USP30: variants seen among roughly 807,000 people sequenced by gnomAD.
USP30 encodes the protein ubiquitin specific peptidase 30.
In USP30, 41 loss-of-function variants were observed where a neutral mutation model predicts 68.2. The observed-to-expected ratio is 0.60, with a 90% CI of 0.47 to 0.78. USP30 has a LOEUF of 0.78. Among genes scored for constraint, USP30 ranks in the 30% least tolerant of loss-of-function variants. USP30 has a pLI of 0.00. For synonymous variants in USP30, 229 were observed against 253.7 expected, an observed-to-expected ratio of 0.90 and a Z score of 0.93; for missense variants, 522 against 649.4, an observed-to-expected ratio of 0.80 and a Z score of 2.13.
intron 3 of USP30, among the ~76,000 whole-genome samples, chr12:109,028,312 G>A (rs1349056231): frequency 6.6e-6 from 1 of 152,164 alleles, no homozygotes; most frequent in Non-Finnish European, 1.5e-5. Flanking sequence ...ATAAAGAAAA[G>A]AGATTTAATT....
chr12:109,068,442 A>C (rs546283190), intron 4 of USP30, among the ~76,000 whole-genome samples: 52 of 152,234 alleles, frequency 3.4e-4, no homozygotes, highest in Admixed American at 1.2e-3. Context: ...CCTTATTTTT[A>C]AAGGTGTTCT....
At chr12:109,064,179 G>GT (rs1463149230) in intron 3 of USP30, among the ~76,000 whole-genome samples, 2 of 151,900 alleles carry the variant, frequency 1.3e-5, no homozygotes, top group Non-Finnish European at 2.9e-5. Flanking sequence ...GCATTGTTTG[G>GT]TTTTTTGTTG....
At chr12:109,029,771 A>C (rs538706190) in intron 3 of USP30, among the ~76,000 whole-genome samples, 9 of 152,336 alleles carry the variant, frequency 5.9e-5, no homozygotes, top group African/African-American at 2.2e-4. Flanking sequence ...CTACTCTGTC[A>C]GACAGGGCAT....
intron 3 of USP30, among the ~76,000 whole-genome samples, chr12:109,041,039 G>T (rs2040560911): frequency 6.6e-6 from 1 of 152,166 alleles, no homozygotes; most frequent in African/African-American, 2.4e-5. Context: ...TTCCAGTTCT[G>T]CCCTCATTTA....
At chr12:109,067,019 T>C (rs1329770446) in intron 3 of USP30, among the ~76,000 whole-genome samples, 1 of 151,472 alleles carries the variant, frequency 6.6e-6, no homozygotes, top group Non-Finnish European at 1.5e-5. Context: ...TCAGTAAACA[T>C]AAATGCCTAA....
chr12:109,078,148 A>T (rs567695972), intron 7 of USP30, among the ~76,000 whole-genome samples: 1 of 152,172 alleles, frequency 6.6e-6, no homozygotes, highest in East Asian at 1.9e-4. Context: ...TGCACCAGCC[A>T]GGTGCTGTGG....
chr12:109,057,383 GT>G (rs2040910481), intron 2 of USP30, among the ~76,000 whole-genome samples: 1 of 151,966 alleles, frequency 6.6e-6, no homozygotes, highest in African/African-American at 2.4e-5. Context: ...ATAATAAAAA[GT>G]TTTTTTAAAA....
chr12:109,062,278 A>T, intron 3 of USP30, among the ~76,000 whole-genome samples: 1 of 150,694 alleles, frequency 6.6e-6, no homozygotes, highest in Admixed American at 6.6e-5. Flanking sequence ...GGCCAAATAT[A>T]ATACATTAGA....
At chr12:109,081,098 G>T (rs1026508496) in intron 7 of USP30, among the ~76,000 whole-genome samples, 2 of 152,164 alleles carry the variant, frequency 1.3e-5, no homozygotes, top group African/African-American at 4.8e-5. Context: ...TTATTGCTGG[G>T]TCAGATATTT....
chr12:109,079,025 C>T (rs2041700451), intron 7 of USP30, among the ~76,000 whole-genome samples: 1 of 152,066 alleles, frequency 6.6e-6, no homozygotes, highest in South Asian at 2.1e-4. Context: ...AAAATTTTCT[C>T]TTTATTTTTG....
chr12:109,045,807 A>C (rs1436753380), intron 3 of USP30, among the ~76,000 whole-genome samples: 1 of 152,212 alleles, frequency 6.6e-6, no homozygotes, highest in East Asian at 1.9e-4. Flanking sequence ...AAACAGAATC[A>C]ATAGAACGCG....
intron 8 of USP30, chr12:109,081,623 G>GCGCGCGCA (rs886662557): frequency 2.2e-5 from 11 of 500,532 alleles, no homozygotes; most frequent in South Asian, 2.1e-4. Flanking sequence ...ACGCATGCGC[G>GCGCGCGCA]CACACACACA....
intron 7 of USP30, among the ~76,000 whole-genome samples, chr12:109,078,686 G>A (rs1302048271): frequency 1.3e-5 from 2 of 150,494 alleles, no homozygotes; most frequent in Non-Finnish European, 3.0e-5. Context: ...AGTCTTTCTT[G>A]TAGATCAAAA....
intron 3 of USP30, among the ~76,000 whole-genome samples, chr12:109,059,510 A>G (rs901881189): frequency 4.7e-5 from 7 of 150,362 alleles, no homozygotes; most frequent in African/African-American, 1.7e-4. Context: ...CTTCATTTTT[A>G]TTTTTATTTT....
chr12:109,061,464 A>C (rs75680871), intron 3 of USP30, among the ~76,000 whole-genome samples: 1 of 150,014 alleles, frequency 6.7e-6, no homozygotes, highest in South Asian at 2.1e-4. Flanking sequence ...GCTGGAGTGC[A>C]GTGGCACAAC....
At chr12:109,050,999 AG>A (rs554581368), upstream of USP30, among the ~76,000 whole-genome samples, 308 of 152,248 alleles carry the variant, frequency 2.0e-3, 2 homozygotes, top group African/African-American at 7.1e-3. Context: ...CAAAAAAAAA[AG>A]AATGTAAATT....
chr12:109,061,533 C>G (rs2041066705), intron 3 of USP30, among the ~76,000 whole-genome samples: 3 of 151,940 alleles, frequency 2.0e-5, no homozygotes, highest in Non-Finnish European at 4.4e-5. Flanking sequence ...TTCCATTTCC[C>G]AGGTAGCTGG....
intron 3 of USP30, among the ~76,000 whole-genome samples, chr12:109,029,200 T>C (rs1204773049): frequency 6.6e-6 from 1 of 152,216 alleles, no homozygotes; most frequent in Non-Finnish European, 1.5e-5. Flanking sequence ...TGTCTAGCTC[T>C]GGACCTGCGG....
intron 1 of USP30, among the ~76,000 whole-genome samples, chr12:109,056,470 G>A (rs1684722871): frequency 1.3e-5 from 2 of 152,182 alleles, no homozygotes; most frequent in African/African-American, 2.4e-5. Flanking sequence ...TGGGATTACA[G>A]GGATGAGCCA....
Sources: allele counts gnomAD v4.1 joint callset (sites outside exome capture counted in the v4.1 genomes callset), GRCh38; gene constraint gnomAD v4.1.1; transcripts MANE v1.5; gene names NCBI Gene and HGNC (gene_info 2026-07-23, HGNC 2026-07-21).